PCGF5: variants seen among roughly 807,000 people sequenced by gnomAD.
PCGF5 encodes the protein polycomb group ring finger 5, also known as polycomb group RING finger protein 5.
In PCGF5, 9 loss-of-function variants were observed where a neutral mutation model predicts 44.3. The observed-to-expected ratio is 0.20, with a 90% confidence interval of 0.12 to 0.35. The LOEUF (loss-of-function observed/expected upper bound fraction) is 0.35. Among genes scored for constraint, PCGF5 ranks in the 10% least tolerant of loss-of-function variants. The pLI, the probability that PCGF5 is intolerant of heterozygous loss-of-function variation, is 1.00. For synonymous variants in PCGF5, 95 were observed against 102.5 expected (o/e 0.93, Z 0.44); for missense variants, 146 against 305.3 (o/e 0.48, Z 3.89).
intron 3 of PCGF5, among the ~76,000 whole-genome samples, chr10:91,247,572 T>C (rs1845499846): frequency 6.9e-6 from 1 of 145,724 alleles, no homozygotes; most frequent in Admixed American, 7.0e-5. Flanking sequence ...TTGAGCAGGA[T>C]GAAGGAGATG....
At chr10:91,162,984 C>T (rs1290290794), upstream of PCGF5, 6 of 145,846 alleles carry the variant, frequency 4.1e-5, no homozygotes, top group African/African-American at 1.5e-4. Context: ...GCCCCGCCCC[C>T]GCCGGCGCGG....
At chr10:91,163,198 C>G (rs1182405552) in intron 1 of PCGF5, 1 of 149,394 alleles carries the variant, frequency 6.7e-6, no homozygotes, top group East Asian at 2.0e-4. Flanking sequence ...CAGGCGAGCC[C>G]GGCGGGCGGG....
intron 2 of PCGF5, among the ~76,000 whole-genome samples, chr10:91,225,733 A>G (rs1844814344): frequency 6.6e-6 from 1 of 152,064 alleles, no homozygotes; most frequent in South Asian, 2.1e-4. Context: ...TATTTATACA[A>G]ATAAAAGAAT....
At chr10:91,164,898 C>A (rs1843471678) in intron 1 of PCGF5, among the ~76,000 whole-genome samples, 1 of 152,184 alleles carries the variant, frequency 6.6e-6, no homozygotes, top group Non-Finnish European at 1.5e-5. Flanking sequence ...TTCTTTTAGT[C>A]TGATCTCTTC....
At chr10:91,252,186 C>A (rs960098648) in intron 6 of PCGF5, among the ~76,000 whole-genome samples, 1 of 151,950 alleles carries the variant, frequency 6.6e-6, no homozygotes, top group Non-Finnish European at 1.5e-5. Context: ...GTCACTTTAT[C>A]CTAGCAAATG....
At chr10:91,230,485 A>G (rs1844973058) in intron 2 of PCGF5, among the ~76,000 whole-genome samples, 1 of 152,220 alleles carries the variant, frequency 6.6e-6, no homozygotes, top group Non-Finnish European at 1.5e-5. Context: ...GCCAGGGCGC[A>G]AAGCTATATT....
chr10:91,215,036 T>C lies in PCGF5; in HGVS notation c.-183-7653T>C, dbSNP rs1844517561. Among the ~76,000 whole-genome samples the C allele has an allele frequency of 3.3e-5, 5 of 152,342 alleles. No homozygotes were observed. In the South Asian group the frequency reaches 1.0e-3, roughly 32 times the overall value. The stretch of plus-strand genomic sequence containing the variant: ...GGAAATATTGTAAAGGAAATGGTGA[T>C]CTATGAATTTATAATCATGAAGTTC... On this transcript the variant is annotated intron_variant, in intron 1 of 9. Coordinates refer to the PCGF5 transcript ENST00000614189.
chr10:91,187,552 G>A (rs190863275), intron 1 of PCGF5, among the ~76,000 whole-genome samples: 2 of 152,020 alleles, frequency 1.3e-5, no homozygotes, highest in Non-Finnish European at 1.5e-5. Flanking sequence ...CCCAGCTATC[G>A]CTTGATATAG....
chr10:91,172,831 C>T (rs896217975), intron 1 of PCGF5, among the ~76,000 whole-genome samples: 2 of 152,190 alleles, frequency 1.3e-5, no homozygotes, highest in Non-Finnish European at 2.9e-5. Flanking sequence ...TCTCTCCTTC[C>T]TCACTGGGAA....
At chr10:91,199,125 G>A (rs1331454516) in intron 1 of PCGF5, among the ~76,000 whole-genome samples, 1 of 152,016 alleles carries the variant, frequency 6.6e-6, no homozygotes, top group Non-Finnish European at 1.5e-5. Context: ...CCACTTTCTG[G>A]GTCTTACAGC....
At chr10:91,182,350 G>A (rs928425567) in intron 1 of PCGF5, among the ~76,000 whole-genome samples, 7 of 152,084 alleles carry the variant, frequency 4.6e-5, no homozygotes, top group African/African-American at 1.7e-4. Context: ...AAGCATAGAG[G>A]TGTTTATAAT....
intron 1 of PCGF5, among the ~76,000 whole-genome samples, chr10:91,167,471 AG>A (rs1273431891): frequency 6.6e-6 from 1 of 152,220 alleles, no homozygotes; most frequent in Non-Finnish European, 1.5e-5. Flanking sequence ...GGGAATTTTG[AG>A]CAAGGCTTAA....
At chr10:91,157,580 A>G in the PCGF5 span, among the ~76,000 whole-genome samples, 1 of 152,182 alleles carries the variant, frequency 6.6e-6, no homozygotes, top group African/African-American at 2.4e-5. Flanking sequence ...AATTCAGACA[A>G]AAAAGACAAG....
chr10:91,156,870 T>C, the PCGF5 span, among the ~76,000 whole-genome samples: 1 of 152,184 alleles, frequency 6.6e-6, no homozygotes, highest in African/African-American at 2.4e-5. Context: ...GGTTTTCTCC[T>C]CTCTTTAAAG....
chr10:91,227,937 AATAAAT>A, intron 2 of PCGF5: 12 of 976,006 alleles, frequency 1.2e-5, no homozygotes, highest in Non-Finnish European at 1.3e-5. Context: ...ATCTTAAATG[AATAAAT>A]GCATGGCTAA....
chr10:91,193,243 C>T (rs2133216597), intron 1 of PCGF5, among the ~76,000 whole-genome samples: 1 of 152,292 alleles, frequency 6.6e-6, no homozygotes, highest in Non-Finnish European at 1.5e-5. Context: ...GGAGATCCAT[C>T]CCTAGAGCCT....
rs1846515333 is a variant in PCGF5, at chr10:91,283,999, TG to T, written c.*5684del. 6.5e-6 allele frequency: 1 copy of T among 152,672 alleles called. No individual in the cohort carries two copies. The highest frequency in any genetic ancestry group is 2.1e-4 in the South Asian group (1 of 4,830). 9.5% of individuals were successfully genotyped at this position (152,672 alleles called of 1,614,324 possible). ...AGTCTATTAAGAATATATGTATTTT[TG>T]TAAAGGAAAAGCACTTGTAGATATT... On this transcript the variant is annotated 3_prime_UTR_variant, in exon 10 of 10. Transcript: ENST00000336126.
Position 91,195,471 on chromosome 10 carries a change from CATAT to C in PCGF5, c.-183-27206_-183-27203del, listed in dbSNP as rs3068529. 4.6e-3 allele frequency among the ~76,000 whole-genome samples: 633 copies of C among 138,778 alleles called. 1 individual carries two copies. Among genetic ancestry groups the C allele is most frequent in the African/African-American group, 0.01 (354 of 35,318 alleles). 91.0% of individuals were successfully genotyped at this position (138,778 alleles called of 152,430 possible). On this transcript the variant is annotated intron_variant, in intron 1 of 9. Coordinates refer to the PCGF5 transcript ENST00000614189. ...ATATATGCATATATATATATGCATG[CATAT>C]ATATATATATAGAGAGAGAGAGAGA...
At chr10:91,264,294 A>G (rs1459938459) in intron 7 of PCGF5, 137 bp from the exon 8 acceptor site, 2 of 647,068 alleles carry the variant, frequency 3.1e-6, no homozygotes, top group Non-Finnish European at 5.2e-6. Flanking sequence ...CTTTAGGAGA[A>G]TAAATGCCTC....
Sources: allele counts gnomAD v4.1 joint callset (sites outside exome capture counted in the v4.1 genomes callset), GRCh38; gene constraint gnomAD v4.1.1; transcripts MANE v1.5; gene names NCBI Gene and HGNC (gene_info 2026-07-23, HGNC 2026-07-21).